Variants in RBFOX1 observed in about 807,000 individuals in gnomAD.
RBFOX1 encodes the protein RNA binding protein fox-1 homolog 1.
Under a neutral mutation model 57.7 loss-of-function variants are expected in RBFOX1, and 8 were observed. The observed-to-expected ratio is 0.14, with a 90% CI of 0.08 to 0.25. RBFOX1 has a LOEUF of 0.25. RBFOX1 is among the 10% of genes least tolerant of loss of function. RBFOX1 has a pLI of 1.00. For missense variants in RBFOX1, 611 were observed against 548.5 expected (o/e 1.11, Z -1.14); for synonymous variants, 326 against 222.4 (o/e 1.47, Z -4.15).
At chr16:7,186,213 AATATTTATATAAACATAAAC>A (rs1345383921) in intron 4 of RBFOX1, among the ~76,000 whole-genome samples, 31 of 146,862 alleles carry the variant, frequency 2.1e-4, no homozygotes, top group South Asian at 4.2e-4. Flanking sequence ...TGTGTATATA[AATATTTATATAAACATAAAC>A]ATATTTATAT....
chr16:6,722,150 C>A (rs1225634384), intron 3 of RBFOX1, among the ~76,000 whole-genome samples: 1 of 152,168 alleles, frequency 6.6e-6, no homozygotes, highest in Admixed American at 6.5e-5. Context: ...CTTTCCATTC[C>A]TGTGGTACAT....
intron 1 of RBFOX1, among the ~76,000 whole-genome samples, chr16:5,365,229 G>T (rs1224497808): frequency 1.3e-5 from 2 of 152,128 alleles, no homozygotes; most frequent in Non-Finnish European, 2.9e-5. Flanking sequence ...GTTCTGGGAG[G>T]TGTCACACTG....
At chr16:6,675,020 C>A (rs4786905) in intron 3 of RBFOX1, among the ~76,000 whole-genome samples, 143 of 152,096 alleles carry the variant, frequency 9.4e-4, no homozygotes, top group Non-Finnish European at 1.7e-3. Context: ...ATTCTCGTGC[C>A]TCAGCCTCCT....
intron 4 of RBFOX1, among the ~76,000 whole-genome samples, chr16:5,937,558 G>C (rs2059192465): frequency 6.6e-6 from 1 of 151,260 alleles, no homozygotes; most frequent in South Asian, 2.1e-4. Flanking sequence ...ATAACTGTAT[G>C]ATATATAGTT....
chr16:6,274,559 G>A lies in RBFOX1; in HGVS notation c.-126-42436G>A, dbSNP rs1011661034. On this transcript the variant is annotated intron_variant, in intron 1 of 15. Transcript: ENST00000550418. ...AGGGAGGAGGAAGGAAATGGGTGTGGTTATGAAAGGGCAACATGAAGGATC... is the reference window on the plus strand; with the variant it reads ...AGGGAGGAGGAAGGAAATGGGTGTGATTATGAAAGGGCAACATGAAGGATC... Among the ~76,000 whole-genome samples, 6 of 152,250 alleles carry A rather than the reference G, an allele frequency of 3.9e-5. No individual in the cohort carries two copies. In the East Asian group the frequency reaches 7.7e-4, roughly 20 times the overall value.
At chr16:7,244,435 T>A (rs1162211266) in intron 4 of RBFOX1, among the ~76,000 whole-genome samples, 7 of 152,170 alleles carry the variant, frequency 4.6e-5, no homozygotes, top group African/African-American at 1.2e-4. Context: ...CTTTGTCATT[T>A]CTTGTCATAT....
chr16:5,332,207 T>G (rs770364960), intron 1 of RBFOX1, among the ~76,000 whole-genome samples: 3 of 152,194 alleles, frequency 2.0e-5, no homozygotes, highest in Non-Finnish European at 2.9e-5. Context: ...TAACACCTAA[T>G]GATAACAGTT....
chr16:5,623,940 C>A lies in RBFOX1; in HGVS notation c.318+24979C>A, dbSNP rs79079951. ...ATTCACAGAGTTGTGCCAACATCAG[C>A]ACAATCAACTTTAGAACATTTCCAT... On this transcript the variant is annotated intron_variant, in intron 3 of 19. Coordinates refer to the RBFOX1 transcript ENST00000641259. Among the ~76,000 whole-genome samples, 890 of 152,282 alleles carry A rather than the reference C, an allele frequency of 5.8e-3. 7 individuals are homozygous for A. Among genetic ancestry groups the A allele is most frequent in the African/African-American group, 0.02 (845 of 41,546 alleles).
At chr16:5,962,083 T>G (rs78790583) in intron 4 of RBFOX1, among the ~76,000 whole-genome samples, 3,231 of 152,302 alleles carry the variant, frequency 0.021, 123 homozygotes, top group African/African-American at 0.073. Flanking sequence ...AGCCATCGCT[T>G]ACATGTTCCA....
At chr16:5,422,384 AATG>A (rs2067360598) in intron 1 of RBFOX1, among the ~76,000 whole-genome samples, 2 of 118,278 alleles carry the variant, frequency 1.7e-5, no homozygotes, top group East Asian at 2.9e-4. Context: ...AGAGAAGAGA[AATG>A]AGGAGGAGGG....
intron 3 of RBFOX1, among the ~76,000 whole-genome samples, chr16:7,043,462 G>T (rs539980512): frequency 6.8e-4 from 104 of 152,254 alleles, no homozygotes; most frequent in African/African-American, 2.4e-3. Context: ...CAAGGAAAAC[G>T]CAAACTCCAG....
intron 1 of RBFOX1, among the ~76,000 whole-genome samples, chr16:6,240,606 T>C (rs2152925464): frequency 6.6e-6 from 1 of 152,168 alleles, no homozygotes; most frequent in South Asian, 2.1e-4. Flanking sequence ...CCAGGCCCTT[T>C]CCCAATATAA....
intron 3 of RBFOX1, among the ~76,000 whole-genome samples, chr16:6,805,345 A>G (rs1314291554): frequency 1.3e-5 from 2 of 152,218 alleles, no homozygotes; most frequent in Admixed American, 6.5e-5. Context: ...TGATTTGAAC[A>G]CATGGACACA....
chr16:7,442,435 A>G (rs1266811120), intron 4 of RBFOX1, among the ~76,000 whole-genome samples: 1 of 152,168 alleles, frequency 6.6e-6, no homozygotes, highest in Non-Finnish European at 1.5e-5. Flanking sequence ...ACAGACCTGC[A>G]TGCTGTACAA....
intron 4 of RBFOX1, among the ~76,000 whole-genome samples, chr16:7,287,148 TAGAG>T (rs1490770175): frequency 2.0e-5 from 3 of 152,146 alleles, no homozygotes; most frequent in African/African-American, 4.8e-5. Context: ...CAGTACTTAA[TAGAG>T]AGAGAAGATT....
chr16:6,985,852 A>AT (rs137915101), intron 3 of RBFOX1, among the ~76,000 whole-genome samples: 61,810 of 134,704 alleles, frequency 0.46, 17,090 homozygotes, highest in Non-Finnish European at 0.63. Context: ...AAAAAACAGA[A>AT]TTTTTTTTTC....
Position 6,063,594 on chromosome 16 carries a change from C to A in RBFOX1, c.-127+43602C>A, listed in dbSNP as rs1013410688. Reference sequence around the variant, plus strand: ...CCAAAACTACATCCTGGGTCCTCTCCACACTGCAGCTCTCAAGACGATCGT... The same window carrying A: ...CCAAAACTACATCCTGGGTCCTCTCAACACTGCAGCTCTCAAGACGATCGT... On this transcript the variant is annotated intron_variant, in intron 1 of 15. Coordinates refer to ENST00000550418, the MANE Select transcript of RBFOX1 (RefSeq NM_018723.4). 3.3e-5 allele frequency among the ~76,000 whole-genome samples: 5 copies of A among 152,174 alleles called. No homozygotes were observed. In the East Asian group the frequency reaches 9.7e-4, roughly 29 times the overall value.
intron 3 of RBFOX1, among the ~76,000 whole-genome samples, chr16:6,693,649 AATC>A (rs1315957067): frequency 4.8e-5 from 6 of 124,616 alleles, no homozygotes; most frequent in East Asian, 4.7e-4. Flanking sequence ...TCACCACCAC[AATC>A]ATCATCATCA....
chr16:6,771,520 C>G lies in RBFOX1; in HGVS notation c.-16+116870C>G, dbSNP rs149749475. Among the ~76,000 whole-genome samples, 40 of 152,244 alleles carry G rather than the reference C, an allele frequency of 2.6e-4. No individual in the cohort carries two copies. The East Asian group carries it at 6.6e-3, about 25-fold the overall frequency. ...AGCAGTCCTAGCAAACCCTAGCAAGCTGAAGCCAACACACTTCTGCTCAAG... is the reference window on the plus strand; with the variant it reads ...AGCAGTCCTAGCAAACCCTAGCAAGGTGAAGCCAACACACTTCTGCTCAAG... On this transcript the variant is annotated intron_variant, in intron 3 of 15. Coordinates refer to ENST00000550418, the MANE Select transcript of RBFOX1 (RefSeq NM_018723.4).
Sources: gnomAD v4.1 joint callset for allele counts (sites outside exome capture counted in the v4.1 genomes callset) on GRCh38, gnomAD v4.1.1 for gene constraint, MANE v1.5 for transcripts, NCBI Gene and HGNC (gene_info 2026-07-23, HGNC 2026-07-21) for gene names.